DOCK11: variants seen among roughly 807,000 people sequenced by gnomAD.
The protein encoded by DOCK11 is dedicator of cytokinesis protein 11.
A neutral mutation model predicts 169.1 loss-of-function variants in DOCK11; 70 were observed. That is an observed-to-expected ratio of 0.41 (90% CI 0.34 to 0.51). The LOEUF (loss-of-function observed/expected upper bound fraction) is 0.51. Ranked by LOEUF, DOCK11 falls within the 20% of genes least tolerant of loss-of-function variation. The pLI, the probability that DOCK11 is intolerant of heterozygous loss-of-function variation, is 0.10. For missense variants in DOCK11, 1,166 were observed against 1,538.8 expected, an observed-to-expected ratio of 0.76 and a Z score of 4.05; for synonymous variants, 529 against 541.3, an observed-to-expected ratio of 0.98 and a Z score of 0.32.
intron 23 of DOCK11, among the ~76,000 whole-genome samples, chrX:118,602,406 C>T (rs1302593651): frequency 1.8e-5 from 2 of 111,510 alleles, no homozygotes; most frequent in African/African-American, 6.5e-5. Flanking sequence ...ACAGGACATA[C>T]ATAAGTTAAA....
chrX:118,516,185 C>T (rs1470671788), intron 1 of DOCK11, among the ~76,000 whole-genome samples: 3 of 96,210 alleles, frequency 3.1e-5, no homozygotes, highest in East Asian at 6.4e-4. Flanking sequence ...CTCCGCCTCC[C>T]GGGTTCACGC....
At chrX:118,593,422 A>G in intron 20 of DOCK11, 85 bp downstream of exon 20, 1 of 961,449 alleles carries the variant, frequency 1.0e-6, no homozygotes, top group Admixed American at 3.6e-5. Context: ...CAAGCTATAG[A>G]CCACTTCTCC....
chrX:118,568,980 C>T (rs1161909500), intron 10 of DOCK11, among the ~76,000 whole-genome samples: 1 of 109,919 alleles, frequency 9.1e-6, no homozygotes, highest in Non-Finnish European at 1.9e-5. Context: ...ATGTGCATTA[C>T]AGTTTTTTCT....
intron 20 of DOCK11, among the ~76,000 whole-genome samples, chrX:118,595,729 T>C: frequency 8.9e-6 from 1 of 112,235 alleles, no homozygotes; most frequent in Non-Finnish European, 1.9e-5. Flanking sequence ...TTAAGTGGCT[T>C]CCCACCTTTG....
At chrX:118,615,143 C>T (rs886351636) in intron 29 of DOCK11, among the ~76,000 whole-genome samples, 3 of 112,158 alleles carry the variant, frequency 2.7e-5, no homozygotes, top group Non-Finnish European at 5.6e-5. Context: ...TCACAGAGCA[C>T]AGCCTCCTTC....
intron 31 of DOCK11, among the ~76,000 whole-genome samples, chrX:118,623,897 C>A (rs918527599): frequency 8.9e-6 from 1 of 112,346 alleles, no homozygotes; most frequent in Non-Finnish European, 1.9e-5. Context: ...TGTCTATAAG[C>A]TGAGGAAAGA....
chrX:118,566,587 C>A lies in DOCK11; in HGVS notation c.885C>A (p.Ser295Arg). ...ATGAATTTGCAGATGATGAAACTAG[C>A]AGCCAAGGAAAAGCCGAGAACATCA... Reference protein sequence around the residue: ...TVETAQDDETSSQGKAENIMA... With the variant: ...TVETAQDDETRSQGKAENIMA... The change falls in exon 9 of 53, where the codon AGC (serine) becomes AGA (arginine). Residue 295 changes from serine to arginine, a missense_variant. Coordinates refer to ENST00000276202, the MANE Select transcript of DOCK11 (RefSeq NM_144658.4). 8.3e-7 allele frequency: 1 copy of A among 1,210,484 alleles called. No individual in the cohort carries two copies. Among genetic ancestry groups the A allele is most frequent in the Non-Finnish European group, 1.1e-6 (1 of 894,722 alleles).
intron 40 of DOCK11, among the ~76,000 whole-genome samples, chrX:118,647,809 ATATAT>A (rs1190877927): frequency 3.9e-5 from 2 of 50,925 alleles, no homozygotes; most frequent in African/African-American, 8.8e-5. Flanking sequence ...ATATAATAAT[ATATAT>A]TATATTATTA....
rs2016253099 is a variant in DOCK11 at position 118,662,950 on chromosome X, AG to A, written c.5076+159del. Among the ~76,000 whole-genome samples, 9 of 112,338 alleles carry A rather than the reference AG, an allele frequency of 8.0e-5. No homozygotes were observed. The Admixed American group carries it at 8.5e-4, about 11-fold the overall frequency. On this transcript the variant is annotated intron_variant, in intron 45 of 52. Transcript: ENST00000276202. ...GTCCAGGGCAAAGATGTTCCTGTTT[AG>A]AGGGCCCTGTCTCTTGAACTGGTCC... is the stretch of plus-strand genomic sequence containing the variant.
intron 52 of DOCK11, among the ~76,000 whole-genome samples, chrX:118,684,899 T>C (rs1229712349): frequency 2.7e-5 from 3 of 111,907 alleles, no homozygotes; most frequent in Non-Finnish European, 5.6e-5. Context: ...ATCTGTGGGC[T>C]TAATACTGAA....
At position 118,615,203 on chromosome X, in the gene DOCK11, C is replaced by G. The variant is rs1251619939; in HGVS notation, c.3181-397C>G. ...TGTGCAATATTTCTGTTCAAGGAAG[C>G]CTGTTTAAAACTCAGAGTTGAGAGT... On this transcript the variant is annotated intron_variant, in intron 29 of 52. Coordinates refer to ENST00000276202, the MANE Select transcript of DOCK11 (RefSeq NM_144658.4). 4.5e-5 allele frequency among the ~76,000 whole-genome samples: 5 copies of G among 111,801 alleles called. No homozygotes were observed. In the East Asian group the frequency reaches 8.4e-4, roughly 19 times the overall value.
chrX:118,644,475 A>G (rs1396412681), intron 40 of DOCK11, among the ~76,000 whole-genome samples: 2 of 112,117 alleles, frequency 1.8e-5, no homozygotes, highest in Non-Finnish European at 1.9e-5. Context: ...CAAGCATGTT[A>G]CAAAAACTAA....
intron 48 of DOCK11, among the ~76,000 whole-genome samples, chrX:118,679,918 A>ATTTTT (rs55756738): frequency 1.6e-4 from 9 of 55,430 alleles, no homozygotes; most frequent in African/African-American, 2.6e-4. Context: ...GATTACAGTA[A>ATTTTT]TTTTTTTTTT....
intron 52 of DOCK11, among the ~76,000 whole-genome samples, chrX:118,683,434 C>A (rs2016788534): frequency 9.0e-6 from 1 of 111,550 alleles, no homozygotes; most frequent in Non-Finnish European, 1.9e-5. Flanking sequence ...TGTAAGAAAC[C>A]ATTTTGTTTT....
chrX:118,559,720 CTAAAAA>C (rs374395647), intron 6 of DOCK11, among the ~76,000 whole-genome samples: 3 of 109,281 alleles, frequency 2.7e-5, no homozygotes, highest in African/African-American at 1.0e-4. Context: ...CTTGTGTCTA[CTAAAAA>C]TAAAAATAAA....
intron 14 of DOCK11, among the ~76,000 whole-genome samples, chrX:118,581,626 A>G (rs1485136533): frequency 3.8e-5 from 4 of 105,490 alleles, no homozygotes; most frequent in Non-Finnish European, 3.9e-5. Context: ...ACGTGGTGAA[A>G]CCCTGTCTCT....
intron 1 of DOCK11, among the ~76,000 whole-genome samples, chrX:118,525,668 T>G (rs2147325589): frequency 9.0e-6 from 1 of 111,636 alleles, no homozygotes; most frequent in Non-Finnish European, 1.9e-5. Context: ...TAGTATATAC[T>G]TAACGAAGTA....
chrX:118,532,390 G>A (rs1184851708), intron 1 of DOCK11, among the ~76,000 whole-genome samples: 2 of 111,011 alleles, frequency 1.8e-5, no homozygotes, highest in African/African-American at 6.6e-5. Context: ...GATGTGTTAG[G>A]GCCAATAGAA....
In DOCK11 at chrX:118,615,651, C is replaced by T; in HGVS notation, c.3232C>T (p.His1078Tyr). ...TCTGCAAACAATTTGCAATCACGAA[C>T]ATTACATTCCTCTGAACTTGCCAAT... ...EFLQTICNHE[H>Y]YIPLNLPMAF... Residue 1078 changes from histidine to tyrosine, a missense_variant, in exon 30 of 53, where the codon CAT (histidine) becomes TAT (tyrosine). Physicochemically the swap from His to Tyr is moderately conservative, Grantham distance 83 (BLOSUM62 2). Coordinates refer to ENST00000276202, the MANE Select transcript of DOCK11 (RefSeq NM_144658.4). 1 of 1,210,603 alleles carries T rather than the reference C, an allele frequency of 8.3e-7. No individual in the cohort carries two copies. The highest frequency in any genetic ancestry group is 1.1e-6 in the Non-Finnish European group (1 of 894,803).
Sources: gnomAD v4.1 joint callset for allele counts (sites outside exome capture counted in the v4.1 genomes callset) on GRCh38, gnomAD v4.1.1 for gene constraint, MANE v1.5 for transcripts, NCBI Gene and HGNC (gene_info 2026-07-23, HGNC 2026-07-21) for gene names.